PABPC1L: variants seen among roughly 807,000 people sequenced by gnomAD.
The protein encoded by PABPC1L is polyadenylate-binding protein 1-like.
A neutral mutation model predicts 66.6 loss-of-function variants in PABPC1L; 31 were observed. The observed-to-expected ratio is 0.47, with a 90% confidence interval of 0.35 to 0.63. PABPC1L has a LOEUF of 0.63. Among genes scored for constraint, PABPC1L ranks in the 20% least tolerant of loss-of-function variants. The pLI, the probability that PABPC1L is intolerant of heterozygous loss-of-function variation, is 0.00. For synonymous variants in PABPC1L, 348 were observed against 335.1 expected (o/e 1.04, Z -0.42); for missense variants, 722 against 848.8 (o/e 0.85, Z 1.86).
intron 10 of PABPC1L, among the ~76,000 whole-genome samples, chr20:44,934,077 G>A (rs929066162): frequency 6.6e-5 from 10 of 152,160 alleles, no homozygotes; most frequent in African/African-American, 9.6e-5. Flanking sequence ...ATGAGATCAT[G>A]CATGAAAGGG....
In PABPC1L at chr20:44,919,184, G is replaced by A. The variant is rs1328798643; in HGVS notation, c.645G>A (p.Gly215=). ...QGLQDLFSQF[G]KMLSVKVMRD... is the part of the protein sequence containing the mutation. ...TTGAGCCAGGTTGGTCCTTTGCAGG[G>A]AAAATGCTGAGTGTGAAGGTGATGA... The change falls in exon 5 of 15, where the codon GGG becomes GGA. Residue 215 remains glycine (G), a splice_region_variant and synonymous_variant. Coordinates refer to ENST00000217073, the MANE Select transcript of PABPC1L (RefSeq NM_001372179.1). 4 of 1,614,072 alleles carry A rather than the reference G, an allele frequency of 2.5e-6. No homozygotes were observed. The highest frequency in any genetic ancestry group is 3.4e-6 in the Non-Finnish European group (4 of 1,180,042).
chr20:44,931,061 T>TCCCC (rs1282860176), intron 8 of PABPC1L, among the ~76,000 whole-genome samples: 1 of 11,668 alleles, frequency 8.6e-5, no homozygotes. Flanking sequence ...TTCCCTTCCC[T>TCCCC]TCCCTCCCTC....
intron 13 of PABPC1L, 116 bp downstream of exon 13, chr20:44,938,307 G>A: frequency 7.4e-7 from 1 of 1,350,662 alleles, no homozygotes; most frequent in Non-Finnish European, 9.9e-7. Context: ...GTTTCTTCTT[G>A]CTAATACCTG....
intron 12 of PABPC1L, chr20:44,937,826 G>A (rs1420598942): frequency 7.9e-6 from 4 of 505,786 alleles, no homozygotes; most frequent in Non-Finnish European, 3.4e-6. Context: ...CCCACTTAAG[G>A]CACCCAGTCC....
rs778970526 is a variant in PABPC1L at position 44,919,310 on chromosome 20, AG to A, written c.738+38del. ...CCTCCCCATGGCTCTGTTCTGCAGC[AG>A]GGGGACCGAGCTGGGACTAAGAAGA... On this transcript the variant is annotated intron_variant, in intron 5 of 14. Coordinates refer to ENST00000217073, the MANE Select transcript of PABPC1L (RefSeq NM_001372179.1). 7 of 1,607,642 alleles carry A rather than the reference AG, an allele frequency of 4.4e-6. No homozygotes were observed. In the South Asian group the frequency reaches 4.4e-5, roughly 10 times the overall value.
At chr20:44,917,507 T>C (rs907848570) in intron 3 of PABPC1L, among the ~76,000 whole-genome samples, 1 of 152,054 alleles carries the variant, frequency 6.6e-6, no homozygotes, top group Non-Finnish European at 1.5e-5. Context: ...CGCCTGACTT[T>C]TTCTTTAAAC....
intron 7 of PABPC1L, among the ~76,000 whole-genome samples, chr20:44,928,725 ATGGTGGTGCTTGT>A (rs1224096710): frequency 1.3e-5 from 2 of 151,910 alleles, no homozygotes; most frequent in Non-Finnish European, 2.9e-5. Context: ...AAAATTAGGC[ATGGTGGTGCTTGT>A]CTGCAGTCCC....
chr20:44,930,423 C>T, intron 7 of PABPC1L, 37 bp from the exon 8 acceptor site: 3 of 1,587,494 alleles, frequency 1.9e-6, no homozygotes, highest in Non-Finnish European at 2.6e-6. Context: ...AGCCTTCCTT[C>T]CCCACCCCAG....
rs1262920747 is a variant in PABPC1L at position 44,938,827 on chromosome 20, C to A, written c.*6+79C>A. 4 of 1,377,020 alleles carry A rather than the reference C, an allele frequency of 2.9e-6. No individual in the cohort carries two copies. The East Asian group carries it at 7.4e-5, about 25-fold the overall frequency. 85.3% of individuals were successfully genotyped at this position (1,377,020 alleles called of 1,614,324 possible). A position where few individuals can be genotyped will look rare whatever the true frequency, so the allele number is the denominator to read the frequency against. ...AGGCAGGGACTGACTTTCACAAACA[C>A]TGAGAATTGCGCCGTGTTCCTGGCT... is the stretch of plus-strand genomic sequence containing the variant. On this transcript the variant is annotated intron_variant, in intron 14 of 14. Coordinates refer to ENST00000217073, the MANE Select transcript of PABPC1L (RefSeq NM_001372179.1).
Position 44,916,806 on chromosome 20 carries a change from G to A in PABPC1L, c.438G>A (p.Glu146=). 1 of 1,614,174 alleles carries A rather than the reference G, an allele frequency of 6.2e-7. No homozygotes were observed. Among genetic ancestry groups the A allele is most frequent in the South Asian group, 1.1e-5 (1 of 91,084 alleles). ...GSRGFGFVHF[E]THEAAQQAIN... Reference sequence around the variant, plus strand: ...GGGGTTTCGGCTTTGTCCATTTTGAGACCCATGAGGCCGCACAGCAGGCCA... The same window carrying A: ...GGGGTTTCGGCTTTGTCCATTTTGAAACCCATGAGGCCGCACAGCAGGCCA... The change falls in exon 3 of 15, where the codon GAG becomes GAA. Residue 146 remains glutamate (E), a synonymous_variant. Coordinates refer to ENST00000217073, the MANE Select transcript of PABPC1L (RefSeq NM_001372179.1).
intron 1 of PABPC1L, among the ~76,000 whole-genome samples, chr20:44,911,085 A>T (rs1027011005): frequency 6.6e-6 from 1 of 152,168 alleles, no homozygotes; most frequent in Non-Finnish European, 1.5e-5. Context: ...GTCTATGCAT[A>T]AAGAATGGTA....
intron 11 of PABPC1L, 51 bp downstream of exon 11, chr20:44,935,548 C>A: frequency 6.6e-7 from 1 of 1,523,062 alleles, no homozygotes; most frequent in Non-Finnish European, 9.1e-7. Context: ...GGCCGCCTGG[C>A]TCAGAACCTT....
At chr20:44,925,298 T>C (rs1194917867) in intron 7 of PABPC1L, among the ~76,000 whole-genome samples, 1 of 152,128 alleles carries the variant, frequency 6.6e-6, no homozygotes, top group Non-Finnish European at 1.5e-5. Flanking sequence ...CCTGCTGTTT[T>C]ACCAGGCTCT....
intron 6 of PABPC1L, 62 bp downstream of exon 6, chr20:44,921,793 C>T (rs2145564254): frequency 6.3e-7 from 1 of 1,596,684 alleles, no homozygotes; most frequent in South Asian, 1.1e-5. Context: ...GTCGGGGGCC[C>T]TGAGTGGTGA....
intron 5 of PABPC1L, among the ~76,000 whole-genome samples, chr20:44,921,295 T>C (rs1417634769): frequency 6.6e-6 from 1 of 151,862 alleles, no homozygotes; most frequent in Non-Finnish European, 1.5e-5. Flanking sequence ...ATTACAGGCA[T>C]GTGCTTCCAT....
intron 8 of PABPC1L, among the ~76,000 whole-genome samples, chr20:44,931,207 C>G (rs900426843): frequency 6.6e-6 from 1 of 150,636 alleles, no homozygotes; most frequent in Admixed American, 6.7e-5. Flanking sequence ...TTCACGGGGT[C>G]TCCATGTCAC....
rs1270110963 is a variant in PABPC1L at position 44,927,306 on chromosome 20, CATTATT to C, written c.972+3052_972+3057del. ...AAGTGTTAGCTTTGCTAAATTTTAT[CATTATT>C]AACTACCGACTGCCAGAAGTTCTTA... On this transcript the variant is annotated intron_variant, in intron 7 of 14. Transcript: ENST00000217073. Among the ~76,000 whole-genome samples the C allele has an allele frequency of 7.8e-4, 119 of 152,002 alleles. 2 individuals are homozygous for C. The highest frequency in any genetic ancestry group is 4.4e-5 in the Non-Finnish European group (3 of 67,986).
At chr20:44,911,135 AAAATAAATAAATAAATAAATAAATAAAT>A (rs34724097) in intron 1 of PABPC1L, among the ~76,000 whole-genome samples, 2 of 147,632 alleles carry the variant, frequency 1.4e-5, no homozygotes, top group South Asian at 2.2e-4. Context: ...GTGGTAACCT[AAAATAAATAAATAAATAAATAAATAAAT>A]AAATAAATAA....
chr20:44,936,254 C>T (rs1173066402), intron 11 of PABPC1L, among the ~76,000 whole-genome samples: 1 of 152,174 alleles, frequency 6.6e-6, no homozygotes. Flanking sequence ...TGTGAGCCAC[C>T]ACACCTGGCC....
Sources: gnomAD v4.1 joint callset for allele counts (sites outside exome capture counted in the v4.1 genomes callset) on GRCh38, gnomAD v4.1.1 for gene constraint, MANE v1.5 for transcripts, NCBI Gene and HGNC (gene_info 2026-07-23, HGNC 2026-07-21) for gene names.